Variants in ADSS2 observed in about 807,000 individuals in gnomAD.
The protein encoded by ADSS2 is adenylosuccinate synthetase isozyme 2.
Under a neutral mutation model 60.0 loss-of-function variants are expected in ADSS2, and 30 were observed. That is an observed-to-expected ratio of 0.50 (90% CI 0.37 to 0.68). ADSS2 has a LOEUF of 0.68. Ranked by LOEUF, ADSS2 falls within the 30% of genes least tolerant of loss-of-function variation. The pLI is 0.00. For missense variants in ADSS2, 373 were observed against 554.8 expected (o/e 0.67, Z 3.29); for synonymous variants, 187 against 193.1 (o/e 0.97, Z 0.26).
At chr1:244,411,583 T>C in intron 11 of ADSS2, 147 bp from the exon 12 acceptor site, 2 of 739,250 alleles carry the variant, frequency 2.7e-6, no homozygotes, top group Non-Finnish European at 4.3e-6. Flanking sequence ...AGTAGAAAGG[T>C]AAAACAGCGC....
At position 244,435,194 on chromosome 1, in the gene ADSS2, A is replaced by AAAAAAAAAAAAAAAAAAAAC. The variant is rs1553308065; in HGVS notation, c.355+1630_355+1631insGTTTTTTTTTTTTTTTTTTT. Reference sequence around the variant, plus strand: ...AAAAAAAAAAAAAAAAAAAAAAAAAAAAACAAACCTGAACATACTATAACA... The same window carrying AAAAAAAAAAAAAAAAAAAAC: ...AAAAAAAAAAAAAAAAAAAAAAAAAAAAAAAAAAAAAAAAAAAAACAAACAAACCTGAACATACTATAACA... On this transcript the variant is annotated intron_variant, in intron 3 of 12. Transcript: ENST00000366535. Among the ~76,000 whole-genome samples the AAAAAAAAAAAAAAAAAAAAC allele has an allele frequency of 2.8e-4, 36 of 127,904 alleles. 2 individuals carry two copies. The highest frequency in any genetic ancestry group is 1.2e-3 in the African/African-American group (36 of 31,136). The allele number at this position is 127,904 out of a possible 152,430, so 83.9% of individuals were successfully genotyped here.
chr1:244,441,666 C>A (rs1430330116), intron 1 of ADSS2, among the ~76,000 whole-genome samples: 1 of 151,840 alleles, frequency 6.6e-6, no homozygotes, highest in East Asian at 1.9e-4. Flanking sequence ...TTTTTAAAAC[C>A]AGTTTTTAGG....
chr1:244,423,736 A>G (rs1171629871), intron 6 of ADSS2, among the ~76,000 whole-genome samples: 1 of 152,204 alleles, frequency 6.6e-6, no homozygotes, highest in Non-Finnish European at 1.5e-5. Context: ...TCTTCTTAGG[A>G]CATTCTATTA....
At chr1:244,438,231 C>G (rs1171799764) in intron 1 of ADSS2, among the ~76,000 whole-genome samples, 1 of 152,080 alleles carries the variant, frequency 6.6e-6, no homozygotes, top group African/African-American at 2.4e-5. Flanking sequence ...TGTCAAGCAA[C>G]TCTGTGACCT....
At chr1:244,449,713 T>C (rs1328096925) in intron 1 of ADSS2, among the ~76,000 whole-genome samples, 1 of 152,234 alleles carries the variant, frequency 6.6e-6, no homozygotes, top group Admixed American at 6.5e-5. Context: ...ATAAGGATTC[T>C]ATAAGGAAGG....
intron 3 of ADSS2, among the ~76,000 whole-genome samples, chr1:244,435,514 TCTTCCTCCTCCTTC>T (rs1665075312): frequency 6.8e-6 from 1 of 147,990 alleles, no homozygotes; most frequent in Non-Finnish European, 1.5e-5. Context: ...GTTTGTTTCC[TCTTCCTCCTCCTTC>T]TCTTCCTCCT....
At chr1:244,426,367 T>C (rs1558273397) in intron 4 of ADSS2, among the ~76,000 whole-genome samples, 1 of 152,172 alleles carries the variant, frequency 6.6e-6, no homozygotes, top group African/African-American at 2.4e-5. Context: ...TACCTTGTCA[T>C]AGAACTAATG....
chr1:244,451,937 CCCCGCCCCGCCGGGCCGCCA>C (rs1019232191), upstream of ADSS2: 3 of 1,097,604 alleles, frequency 2.7e-6, no homozygotes, highest in Admixed American at 9.6e-5. The surrounding 1 kb of genome is among the most constrained non-coding windows in gnomAD (Gnocchi z 6.6). Context: ...CCGGCCCCGC[CCCCGCCCCGCCGGGCCGCCA>C]CCCTCCAGCC....
intron 10 of ADSS2, among the ~76,000 whole-genome samples, chr1:244,417,338 C>T (rs895985092): frequency 5.3e-5 from 8 of 152,082 alleles, no homozygotes; most frequent in Non-Finnish European, 1.0e-4. Context: ...GTCTGTGCTA[C>T]CCACCTGTCT....
rs751840380 is a variant in ADSS2, at chr1:244,420,302, C to T, written c.664-6G>A. On this transcript the variant is annotated splice_region_variant and splice_polypyrimidine_tract_variant and intron_variant, in intron 7 of 12. Coordinates refer to ENST00000366535, the MANE Select transcript of ADSS2 (RefSeq NM_001126.5). ...TTAATCTTTTCCATATAACCCTATA[C>T]ACAAAGACAAAAACCAATTTCCATG... 19 of 1,597,938 alleles carry T rather than the reference C, an allele frequency of 1.2e-5. No individual in the cohort carries two copies. Among genetic ancestry groups the T allele is most frequent in the Non-Finnish European group, 1.6e-5 (19 of 1,171,812 alleles).
At chr1:244,445,734 C>A (rs924007060) in intron 1 of ADSS2, among the ~76,000 whole-genome samples, 3 of 152,118 alleles carry the variant, frequency 2.0e-5, no homozygotes, top group Non-Finnish European at 4.4e-5. Flanking sequence ...CACTACTGGG[C>A]CTTCTCCTTC....
At chr1:244,409,704 A>C (rs1258205064) in intron 12 of ADSS2, 66 bp from the exon 13 acceptor site, 1 of 1,255,702 alleles carries the variant, frequency 8.0e-7, no homozygotes, top group East Asian at 2.3e-5. Flanking sequence ...GTTGGGATTA[A>C]AACAGGTAGT....
At position 244,425,835 on chromosome 1, in the gene ADSS2, A is replaced by C. The variant is rs1014946042; in HGVS notation, c.407-1448T>G. 3.3e-5 allele frequency among the ~76,000 whole-genome samples: 5 copies of C among 152,256 alleles called. No individual in the cohort carries two copies. In the East Asian group the frequency reaches 9.6e-4, roughly 29 times the overall value. ...TGTCTTAGTGCCACACAGTTAGATA[A>C]AAGTAACATCTTTAAAGCCATATCA... On this transcript the variant is annotated intron_variant, in intron 4 of 12. Coordinates refer to ENST00000366535, the MANE Select transcript of ADSS2 (RefSeq NM_001126.5).
At chr1:244,448,963 A>T (rs992523606) in intron 1 of ADSS2, among the ~76,000 whole-genome samples, 1 of 152,130 alleles carries the variant, frequency 6.6e-6, no homozygotes, top group Non-Finnish European at 1.5e-5. Flanking sequence ...ACCTGTACCC[A>T]GGGTTGGGCC....
chr1:244,436,841 A>G lies in ADSS2; in HGVS notation c.339T>C (p.Asn113=). ...CTTTCATACCTTTTCCTTTTTGAAC[A>G]TTTTTCTCTGCTTCTTCAAACAATC... ...LPGLFEEAEK[N]VQKGKGLEGW... Residue 113 remains asparagine (N), a synonymous_variant, in exon 3 of 13, where the codon AAT becomes AAC. Transcript: ENST00000366535. 1 of 1,611,902 alleles carries G rather than the reference A, an allele frequency of 6.2e-7. No homozygotes were observed.
intron 6 of ADSS2, among the ~76,000 whole-genome samples, chr1:244,423,567 G>A (rs1483082394): frequency 6.6e-6 from 1 of 152,130 alleles, no homozygotes; most frequent in East Asian, 1.9e-4. Context: ...GAGAGCTAAT[G>A]ATTTCTGGGT....
chr1:244,434,651 T>C (rs1039588806), intron 3 of ADSS2, among the ~76,000 whole-genome samples: 2 of 151,790 alleles, frequency 1.3e-5, no homozygotes, highest in African/African-American at 4.8e-5. Context: ...ATAAAGAAAA[T>C]AGGACCAAGA....
chr1:244,435,664 C>T (rs1456556577), intron 3 of ADSS2, among the ~76,000 whole-genome samples: 3 of 152,072 alleles, frequency 2.0e-5, no homozygotes, highest in Non-Finnish European at 4.4e-5. Context: ...CTCCATCCTC[C>T]TCTTCCTCCT....
rs1664336066 is a variant in ADSS2, at chr1:244,408,551, A to C, written c.*1035T>G. 1 of 152,652 alleles carries C rather than the reference A, an allele frequency of 6.6e-6. No individual in the cohort carries two copies. Among genetic ancestry groups the C allele is most frequent in the African/African-American group, 2.4e-5 (1 of 41,460 alleles). 9.5% of individuals were successfully genotyped at this position (152,652 alleles called of 1,614,324 possible). A position where few individuals can be genotyped will look rare whatever the true frequency, so the allele number is the denominator to read the frequency against. On this transcript the variant is annotated 3_prime_UTR_variant, in exon 13 of 13. Coordinates refer to ENST00000366535, the MANE Select transcript of ADSS2 (RefSeq NM_001126.5). ...TTCATGGTGTAATAAAATAAATTTA[A>C]GTGGCACCTAATTTAACATTTAAAA... is the stretch of plus-strand genomic sequence containing the variant.
Sources: allele counts gnomAD v4.1 joint callset (sites outside exome capture counted in the v4.1 genomes callset), GRCh38; gene constraint gnomAD v4.1.1; non-coding constraint Gnocchi (gnomAD v3.1); transcripts MANE v1.5; gene names NCBI Gene and HGNC (gene_info 2026-07-23, HGNC 2026-07-21).